LAMA3: variants seen among roughly 807,000 people sequenced by gnomAD.
LAMA3 encodes the protein laminin subunit alpha-3.
LAMA3 carries 281 observed loss-of-function variants against 402.0 expected under a neutral mutation model. The observed-to-expected ratio is 0.70, with a 90% CI of 0.63 to 0.77. The LOEUF (loss-of-function observed/expected upper bound fraction) is 0.77, where lower values mean the gene tolerates loss of function less well. Ranked by LOEUF, LAMA3 falls within the 30% of genes least tolerant of loss-of-function variation. The pLI is 0.00. For missense variants in LAMA3, 3,840 were observed against 4,215.5 expected (o/e 0.91, Z 2.47); for synonymous variants, 1,431 against 1,558.4 (o/e 0.92, Z 1.93).
At chr18:23,740,917 A>T (rs976570921) in intron 2 of LAMA3, among the ~76,000 whole-genome samples, 1 of 150,592 alleles carries the variant, frequency 6.6e-6, no homozygotes, top group Non-Finnish European at 1.5e-5. Context: ...CAGTAAGAGG[A>T]GCTGAGAGTC....
intron 8 of LAMA3, among the ~76,000 whole-genome samples, chr18:23,768,207 C>T (rs984302543): frequency 6.7e-6 from 1 of 149,744 alleles, no homozygotes; most frequent in Non-Finnish European, 1.5e-5. Context: ...AGACAGCCTA[C>T]AGAGTGGGAG....
chr18:23,889,774 C>A (rs1293029488), intron 41 of LAMA3, among the ~76,000 whole-genome samples: 1 of 151,768 alleles, frequency 6.6e-6, no homozygotes, highest in African/African-American at 2.4e-5. Context: ...TATTAAGAAA[C>A]TCCTCCCTCA....
In LAMA3 at chr18:23,798,248, G is replaced by A. The variant is rs117287870; in HGVS notation, c.1604-12118G>A. The stretch of plus-strand genomic sequence containing the variant: ...GGTAGGAAGGCAGGAATGCGGAAAC[G>A]GGTGGTCCTTTCATGACATGAACTG... On this transcript the variant is annotated intron_variant, in intron 12 of 74. Coordinates refer to ENST00000313654, the MANE Select transcript of LAMA3 (RefSeq NM_198129.4). Among the ~76,000 whole-genome samples the A allele has an allele frequency of 2.0e-3, 304 of 152,216 alleles. 5 individuals carry two copies. The East Asian group carries it at 0.04, about 20-fold the overall frequency.
At chr18:23,925,572 G>A (rs562746088) in intron 62 of LAMA3, among the ~76,000 whole-genome samples, 5 of 152,218 alleles carry the variant, frequency 3.3e-5, no homozygotes, top group Non-Finnish European at 7.4e-5. Context: ...CTCTGAAGTC[G>A]GCCTGCAACA....
At chr18:23,830,621 A>G (rs920420279) in intron 23 of LAMA3, among the ~76,000 whole-genome samples, 19 of 152,198 alleles carry the variant, frequency 1.2e-4, no homozygotes, top group Non-Finnish European at 8.8e-5. Context: ...GAGCTGTCTT[A>G]ATAATTTAAA....
At chr18:23,821,310 C>T (rs981246773) in intron 19 of LAMA3, among the ~76,000 whole-genome samples, 11 of 152,202 alleles carry the variant, frequency 7.2e-5, no homozygotes, top group African/African-American at 9.7e-5. Context: ...TGAATTCAGA[C>T]GAATTGTGAG....
At chr18:23,861,555 G>A (rs561580405) in intron 34 of LAMA3, 91 bp from the exon 35 acceptor site, 6 of 1,452,694 alleles carry the variant, frequency 4.1e-6, no homozygotes, top group Admixed American at 1.7e-5. Flanking sequence ...GAGGCTGCCC[G>A]TGGAGCTTTC....
chr18:23,951,157 G>A (rs2082893945), intron 72 of LAMA3, among the ~76,000 whole-genome samples: 1 of 152,210 alleles, frequency 6.6e-6, no homozygotes, highest in Admixed American at 6.5e-5. Context: ...AAGCAGGAAT[G>A]TGGGATTCTG....
In LAMA3 at chr18:23,918,990, G is replaced by T. The variant is rs963077470; in HGVS notation, c.7924-1945G>T. On this transcript the variant is annotated intron_variant, in intron 60 of 74. Coordinates refer to ENST00000313654, the MANE Select transcript of LAMA3 (RefSeq NM_198129.4). The surrounding 1 kb of genome is among the most constrained non-coding windows in gnomAD (Gnocchi z 4.1). ...AGTCATCCAGCATCTTCAGGACACGGCAGTTGTTTTACAAAACAAGGTCTT... is the reference window on the plus strand; with the variant it reads ...AGTCATCCAGCATCTTCAGGACACGTCAGTTGTTTTACAAAACAAGGTCTT... 3.0e-4 allele frequency among the ~76,000 whole-genome samples: 46 copies of T among 152,330 alleles called. No homozygotes were observed. Among genetic ancestry groups the T allele is most frequent in the African/African-American group, 1.1e-3 (46 of 41,572 alleles).
At chr18:23,711,392 T>C (rs112104054) in intron 1 of LAMA3, among the ~76,000 whole-genome samples, 2,304 of 152,336 alleles carry the variant, frequency 0.015, 16 homozygotes, top group Non-Finnish European at 0.024. Flanking sequence ...TGAGCCTGTG[T>C]TCTTACCTAG....
At chr18:23,953,501 C>G (rs931905688) in intron 74 of LAMA3, among the ~76,000 whole-genome samples, 1 of 151,984 alleles carries the variant, frequency 6.6e-6, no homozygotes, top group Admixed American at 6.6e-5. Flanking sequence ...GCCACCACGC[C>G]TGGATAATTT....
intron 38 of LAMA3, chr18:23,873,251 AGAG>A (rs753299097): frequency 1.3e-6 from 2 of 1,547,606 alleles, no homozygotes; most frequent in South Asian, 2.2e-5. Context: ...GTGATAGGGA[AGAG>A]TTTCCAGCTT....
chr18:23,814,689 G>A (rs1179272243), intron 15 of LAMA3, among the ~76,000 whole-genome samples, 187 bp downstream of exon 15: 1 of 152,124 alleles, frequency 6.6e-6, no homozygotes, highest in Non-Finnish European at 1.5e-5. Context: ...CTTAGCAAGG[G>A]ATTTCTATCC....
intron 1 of LAMA3, among the ~76,000 whole-genome samples, chr18:23,693,713 A>G (rs954572240): frequency 6.6e-6 from 1 of 152,214 alleles, no homozygotes; most frequent in African/African-American, 2.4e-5. Flanking sequence ...AGCTCAAATA[A>G]TATTTTGGGG....
chr18:23,806,581 C>T (rs940194759), intron 12 of LAMA3, among the ~76,000 whole-genome samples: 1 of 152,100 alleles, frequency 6.6e-6, no homozygotes, highest in African/African-American at 2.4e-5. Context: ...ACAAAGAAGA[C>T]TCGTTGGAAT....
intron 68 of LAMA3, among the ~76,000 whole-genome samples, chr18:23,942,633 A>T (rs1004151718): frequency 1.7e-4 from 25 of 147,566 alleles, no homozygotes; most frequent in Non-Finnish European, 3.3e-4. Flanking sequence ...GCTGGAGTGC[A>T]GTGGCACGAT....
At chr18:23,822,995 C>T (rs1198301275) in intron 20 of LAMA3, among the ~76,000 whole-genome samples, 1 of 152,136 alleles carries the variant, frequency 6.6e-6, no homozygotes, top group Non-Finnish European at 1.5e-5. Flanking sequence ...AAACAGATTC[C>T]AAGAAGCATT....
chr18:23,814,086 G>T (rs749123289), intron 14 of LAMA3, among the ~76,000 whole-genome samples: 26 of 152,000 alleles, frequency 1.7e-4, no homozygotes, highest in Non-Finnish European at 3.2e-4. Flanking sequence ...ATTTAAATTG[G>T]TAGTCTATGC....
chr18:23,849,135 T>C (rs558431867), intron 32 of LAMA3, among the ~76,000 whole-genome samples: 2 of 152,348 alleles, frequency 1.3e-5, no homozygotes, highest in East Asian at 3.8e-4. Flanking sequence ...TCTCAGGTAG[T>C]GGGGGGTAGA....
Sources: allele counts gnomAD v4.1 joint callset (sites outside exome capture counted in the v4.1 genomes callset), GRCh38; gene constraint gnomAD v4.1.1; non-coding constraint Gnocchi (gnomAD v3.1); transcripts MANE v1.5; gene names NCBI Gene and HGNC (gene_info 2026-07-23, HGNC 2026-07-21).